UBE2W: variants seen among roughly 807,000 people sequenced by gnomAD.
The protein encoded by UBE2W is ubiquitin-conjugating enzyme E2 W.
A neutral mutation model predicts 27.2 loss-of-function variants in UBE2W; 18 were observed. The observed-to-expected ratio is 0.66, with a 90% confidence interval of 0.46 to 0.98. The LOEUF is 0.98. Among genes scored for constraint, UBE2W ranks in the 50% least tolerant of loss-of-function variants. The pLI is 0.00. For missense variants in UBE2W, 90 were observed against 180.2 expected, an observed-to-expected ratio of 0.50 and a Z score of 2.87; for synonymous variants, 53 against 57.2, an observed-to-expected ratio of 0.93 and a Z score of 0.33.
chr8:73,834,185 T>G (rs972693005), intron 1 of UBE2W: 1 of 152,238 alleles, frequency 6.6e-6, no homozygotes, highest in Non-Finnish European at 1.5e-5. Context: ...CTTTTCAATT[T>G]ATGTCACTTA....
chr8:73,832,293 T>G (rs898626020), intron 1 of UBE2W, among the ~76,000 whole-genome samples: 1 of 151,920 alleles, frequency 6.6e-6, no homozygotes, highest in Non-Finnish European at 1.5e-5. Flanking sequence ...AGAGTGAGAT[T>G]CTGTCTCAAA....
chr8:73,844,319 C>T (rs1375622820), intron 1 of UBE2W, among the ~76,000 whole-genome samples: 23 of 152,132 alleles, frequency 1.5e-4, no homozygotes, highest in Admixed American at 1.2e-3. Flanking sequence ...GACTGGTTTT[C>T]GTATCTTTTG....
chr8:73,794,562 A>G (rs1808333821), intron 5 of UBE2W, among the ~76,000 whole-genome samples: 1 of 152,208 alleles, frequency 6.6e-6, no homozygotes, highest in African/African-American at 2.4e-5. Context: ...CCAATGAGAT[A>G]CAATCTCCAA....
chr8:73,817,847 C>T (rs1241148483), intron 3 of UBE2W, among the ~76,000 whole-genome samples: 2 of 152,126 alleles, frequency 1.3e-5, no homozygotes, highest in Non-Finnish European at 2.9e-5. Flanking sequence ...ATGGGCCATC[C>T]CTCCTAATAC....
chr8:73,821,341 T>C (rs572809689), intron 3 of UBE2W, among the ~76,000 whole-genome samples: 2 of 152,030 alleles, frequency 1.3e-5, no homozygotes, highest in South Asian at 2.1e-4. Flanking sequence ...AAGTACTATA[T>C]AGAAATATTA....
chr8:73,849,776 A>G (rs544960688), intron 1 of UBE2W, among the ~76,000 whole-genome samples: 1 of 152,146 alleles, frequency 6.6e-6, no homozygotes, highest in South Asian at 2.1e-4. Flanking sequence ...AGTTTTTTTA[A>G]AAGATATTAC....
At chr8:73,815,328 T>C (rs996166564) in intron 3 of UBE2W, among the ~76,000 whole-genome samples, 5 of 152,142 alleles carry the variant, frequency 3.3e-5, no homozygotes, top group Non-Finnish European at 5.9e-5. Flanking sequence ...TGAGCTACGA[T>C]AGCCCATGGC....
chr8:73,787,318 G>C lies in UBE2W; in HGVS notation c.*6784C>G. 4 of 985,384 alleles carry C rather than the reference G, an allele frequency of 4.1e-6. No homozygotes were observed. Among genetic ancestry groups the C allele is most frequent in the Non-Finnish European group, 4.8e-6 (4 of 829,920 alleles). 61.0% of individuals were successfully genotyped at this position (985,384 alleles called of 1,614,324 possible). On this transcript the variant is annotated 3_prime_UTR_variant, in exon 6 of 6. Coordinates refer to ENST00000602593, the MANE Select transcript of UBE2W (RefSeq NM_018299.6). Reference sequence around the variant, plus strand: ...TTACGTGTTATGTTAGTGTGAAAATGAGTAAGAAATATAGGGAGGACATAA... The same window carrying C: ...TTACGTGTTATGTTAGTGTGAAAATCAGTAAGAAATATAGGGAGGACATAA...
intron 1 of UBE2W, among the ~76,000 whole-genome samples, chr8:73,845,906 T>C (rs1810779404): frequency 1.3e-5 from 2 of 151,480 alleles, no homozygotes; most frequent in African/African-American, 4.9e-5. Flanking sequence ...TAAAAAAAAA[T>C]GGATGAAATA....
At chr8:73,826,563 A>T (rs1378795716) in intron 2 of UBE2W, among the ~76,000 whole-genome samples, 5 of 152,262 alleles carry the variant, frequency 3.3e-5, no homozygotes, top group African/African-American at 1.2e-4. Context: ...AAAAGAAATC[A>T]GCTACAGTAT....
intron 1 of UBE2W, among the ~76,000 whole-genome samples, chr8:73,854,385 G>T (rs1811201525): frequency 6.6e-6 from 1 of 152,120 alleles, no homozygotes; most frequent in Non-Finnish European, 1.5e-5. Context: ...GAGCTTTTAA[G>T]TTCTATGACT....
intron 1 of UBE2W, among the ~76,000 whole-genome samples, chr8:73,873,564 G>C (rs77779764): frequency 0.012 from 1,802 of 152,264 alleles, 37 homozygotes; most frequent in African/African-American, 0.041. Flanking sequence ...TCTGAAGTGG[G>C]AGGATCACCC....
intron 5 of UBE2W, among the ~76,000 whole-genome samples, chr8:73,803,792 A>G (rs1808749965): frequency 7.0e-6 from 1 of 142,218 alleles, no homozygotes; most frequent in South Asian, 2.2e-4. Flanking sequence ...TTTGAGACGG[A>G]GGCTTGCTCT....
chr8:73,861,910 G>A (rs1586539052), intron 1 of UBE2W, among the ~76,000 whole-genome samples: 1 of 152,152 alleles, frequency 6.6e-6, no homozygotes, highest in East Asian at 1.9e-4. Flanking sequence ...ACAGGAAATG[G>A]GTGGTCTTTG....
At chr8:73,832,343 A>C (rs562976832) in intron 1 of UBE2W, among the ~76,000 whole-genome samples, 49 of 152,188 alleles carry the variant, frequency 3.2e-4, no homozygotes, top group Non-Finnish European at 5.9e-4. Flanking sequence ...AAAAAGAAGC[A>C]AATAAACTTT....
intron 1 of UBE2W, among the ~76,000 whole-genome samples, chr8:73,876,891 C>T (rs926195084): frequency 1.3e-5 from 2 of 152,054 alleles, no homozygotes; most frequent in Non-Finnish European, 2.9e-5. Flanking sequence ...CGCTTGAACT[C>T]GGGAGGTGGA....
At chr8:73,862,388 T>C (rs930781337) in intron 1 of UBE2W, among the ~76,000 whole-genome samples, 36 of 152,232 alleles carry the variant, frequency 2.4e-4, no homozygotes, top group Non-Finnish European at 4.6e-4. Flanking sequence ...TAGCCAGTTT[T>C]CCCAGCACCA....
Position 73,787,606 on chromosome 8 carries a change from T to C in UBE2W, c.*6496A>G, listed in dbSNP as rs17315351. On this transcript the variant is annotated 3_prime_UTR_variant, in exon 6 of 6. Transcript: ENST00000602593. ...CAAGCAGATCCCCTGCAGAAAAGCTTAGAATTACCAGCAGAGCATATTTAA... is the reference window on the plus strand; with the variant it reads ...CAAGCAGATCCCCTGCAGAAAAGCTCAGAATTACCAGCAGAGCATATTTAA... 57,189 of 985,326 alleles carry C rather than the reference T, an allele frequency of 0.058. 1,773 individuals carry two copies. Among genetic ancestry groups the C allele is most frequent in the Non-Finnish European group, 0.063 (51,949 of 829,894 alleles). 61.0% of individuals were successfully genotyped at this position (985,326 alleles called of 1,614,324 possible). A position where few individuals can be genotyped will look rare whatever the true frequency, so the allele number is the denominator to read the frequency against.
At chr8:73,870,380 G>C in intron 1 of UBE2W, 20 of 1,332,338 alleles carry the variant, frequency 1.5e-5, no homozygotes, top group Non-Finnish European at 1.9e-5. Context: ...CTAGTGCAGG[G>C]ACTAGAAATC....
Sources: gnomAD v4.1 joint callset for allele counts (sites outside exome capture counted in the v4.1 genomes callset) on GRCh38, gnomAD v4.1.1 for gene constraint, MANE v1.5 for transcripts, NCBI Gene and HGNC (gene_info 2026-07-23, HGNC 2026-07-21) for gene names.